The following TENM2 variants were observed in gnomAD, a reference collection of about 807,000 sequenced individuals.
The protein encoded by TENM2 is teneurin transmembrane protein 2.
TENM2 carries 52 observed loss-of-function variants against 245.2 expected under a neutral mutation model. The observed-to-expected ratio is 0.21, with a 90% confidence interval of 0.17 to 0.27. The LOEUF is 0.27. Among genes scored for constraint, TENM2 ranks in the 10% least tolerant of loss-of-function variants. The probability of loss-of-function intolerance (pLI) is 1.00; values close to 1 mark genes in which losing one functional copy is unlikely to be tolerated. For synonymous variants in TENM2, 1,363 were observed against 1,438.9 expected, an observed-to-expected ratio of 0.95 and a Z score of 1.19; for missense variants, 3,046 against 3,666.8, an observed-to-expected ratio of 0.83 and a Z score of 4.37.
chr5:167,434,920 T>C (rs1379087114), intron 2 of TENM2, among the ~76,000 whole-genome samples: 1 of 152,206 alleles, frequency 6.6e-6, no homozygotes. Flanking sequence ...AGTTATTGAG[T>C]TGAATATGTC....
the TENM2 span, among the ~76,000 whole-genome samples, chr5:167,261,172 A>T: frequency 6.6e-6 from 1 of 152,066 alleles, no homozygotes; most frequent in Non-Finnish European, 1.5e-5. Context: ...CTTTAACACA[A>T]TCCCCAGGGG....
chr5:167,265,136 G>A, the TENM2 span, among the ~76,000 whole-genome samples: 2 of 151,504 alleles, frequency 1.3e-5, no homozygotes, highest in South Asian at 4.2e-4. Flanking sequence ...GACCAACCTG[G>A]CCAACATGGT....
chr5:167,247,072 A>G, the TENM2 span, among the ~76,000 whole-genome samples: 3 of 152,330 alleles, frequency 2.0e-5, no homozygotes, highest in East Asian at 1.9e-4. Flanking sequence ...AAGGATGTCA[A>G]TAAATACTTA....
chr5:167,142,304 G>T, the TENM2 span, among the ~76,000 whole-genome samples: 3 of 151,882 alleles, frequency 2.0e-5, no homozygotes, highest in Admixed American at 6.6e-5. Context: ...GACCTGTTTA[G>T]GTACATCCTC....
At chr5:167,852,004 C>G (rs1770628145) in intron 2 of TENM2, among the ~76,000 whole-genome samples, 1 of 152,172 alleles carries the variant, frequency 6.6e-6, no homozygotes. Flanking sequence ...CCTTAATTCT[C>G]TCCCACATTA....
intron 23 of TENM2, among the ~76,000 whole-genome samples, chr5:168,220,028 T>C (rs1284092236): frequency 6.6e-6 from 1 of 152,112 alleles, no homozygotes; most frequent in Non-Finnish European, 1.5e-5. Context: ...CTTTCTTCTT[T>C]GGGCAACTCT....
At chr5:168,100,452 C>T (rs992670894) in intron 9 of TENM2, among the ~76,000 whole-genome samples, 1 of 152,122 alleles carries the variant, frequency 6.6e-6, no homozygotes, top group Non-Finnish European at 1.5e-5. Flanking sequence ...TATTGCAGCA[C>T]TATTCACAAT....
intron 2 of TENM2, among the ~76,000 whole-genome samples, chr5:167,386,477 C>T (rs893788111): frequency 6.6e-6 from 1 of 152,140 alleles, no homozygotes; most frequent in African/African-American, 2.4e-5. Context: ...TCTGTTTACT[C>T]TGCTGACTTT....
intron 2 of TENM2, among the ~76,000 whole-genome samples, chr5:167,633,865 G>T (rs967559750): frequency 6.6e-6 from 1 of 152,136 alleles, no homozygotes; most frequent in African/African-American, 2.4e-5. Context: ...TATGTGAAGG[G>T]CAGTATTTTT....
chr5:168,235,649 A>C (rs181018404), intron 25 of TENM2, among the ~76,000 whole-genome samples: 1 of 152,304 alleles, frequency 6.6e-6, no homozygotes, highest in African/African-American at 2.4e-5. Flanking sequence ...TCTACTAAAA[A>C]TACAAAAATT....
chr5:167,797,896 T>C (rs945759002), intron 2 of TENM2, among the ~76,000 whole-genome samples: 1 of 152,228 alleles, frequency 6.6e-6, no homozygotes, highest in Non-Finnish European at 1.5e-5. Flanking sequence ...AACATGGATC[T>C]AACACAATGT....
chr5:168,066,150 C>T (rs756413124), intron 7 of TENM2, among the ~76,000 whole-genome samples: 26 of 152,170 alleles, frequency 1.7e-4, no homozygotes, highest in Non-Finnish European at 3.4e-4. Flanking sequence ...AAGAACTTTG[C>T]TCAATGTCAA....
chr5:167,135,620 C>CA, the TENM2 span, among the ~76,000 whole-genome samples: 1 of 151,950 alleles, frequency 6.6e-6, no homozygotes, highest in African/African-American at 2.4e-5. Context: ...ACTAAAAATA[C>CA]AAAAAATTAG....
chr5:167,872,924 C>G (rs1322018582), intron 2 of TENM2, among the ~76,000 whole-genome samples: 1 of 152,272 alleles, frequency 6.6e-6, no homozygotes, highest in Non-Finnish European at 1.5e-5. Context: ...GAAAATTGCA[C>G]TTGAACTTCA....
intron 1 of TENM2, among the ~76,000 whole-genome samples, chr5:167,362,267 A>G (rs1477094510): frequency 2.0e-5 from 3 of 152,218 alleles, no homozygotes; most frequent in South Asian, 2.1e-4. Flanking sequence ...TATAAGCTCA[A>G]TGGCTGGAGG....
the TENM2 span, among the ~76,000 whole-genome samples, chr5:167,266,148 T>C: frequency 6.6e-6 from 1 of 152,206 alleles, no homozygotes; most frequent in Non-Finnish European, 1.5e-5. Context: ...TTTATTACAA[T>C]GATCATTTAT....
chr5:167,471,021 G>A (rs1174160771), intron 2 of TENM2, among the ~76,000 whole-genome samples: 2 of 152,078 alleles, frequency 1.3e-5, no homozygotes, highest in East Asian at 3.9e-4. Context: ...CTGGACCTTA[G>A]TTTTCTCATC....
chr5:168,199,770 C>A, intron 16 of TENM2, 94 bp from the exon 19 acceptor site: 1 of 1,351,372 alleles, frequency 7.4e-7, no homozygotes, highest in Non-Finnish European at 1.0e-6. Context: ...TGTGATGCCT[C>A]AGTGAGGGAC....
intron 3 of TENM2, among the ~76,000 whole-genome samples, chr5:167,933,774 G>A (rs895843294): frequency 6.6e-6 from 1 of 152,114 alleles, no homozygotes. Context: ...AGGTACTTAA[G>A]CTCTCTAAAC....
Sources: allele counts gnomAD v4.1 joint callset (sites outside exome capture counted in the v4.1 genomes callset), GRCh38; gene constraint gnomAD v4.1.1; transcripts MANE v1.5; gene names NCBI Gene and HGNC (gene_info 2026-07-23, HGNC 2026-07-21).